The following SYTL5 variants were observed in gnomAD, a reference collection of about 807,000 sequenced individuals.
The protein encoded by SYTL5 is synaptotagmin-like protein 5.
A neutral mutation model predicts 55.9 loss-of-function variants in SYTL5; 34 were observed. The observed-to-expected ratio is 0.61, with a 90% CI of 0.46 to 0.81. The LOEUF is 0.81. SYTL5 is among the 30% of genes least tolerant of loss of function. The pLI is 0.00. For missense variants in SYTL5, 637 were observed against 546.7 expected (o/e 1.17, Z -1.65); for synonymous variants, 221 against 188.7 (o/e 1.17, Z -1.40).
intron 1 of SYTL5, among the ~76,000 whole-genome samples, chrX:38,013,840 C>T (rs1443533406): frequency 9.1e-6 from 1 of 110,069 alleles, no homozygotes; most frequent in Non-Finnish European, 1.9e-5. Flanking sequence ...CTTTGGGCCC[C>T]TCATCATTAC....
chrX:37,934,784 C>G, the SYTL5 span, among the ~76,000 whole-genome samples: 2 of 109,705 alleles, frequency 1.8e-5, no homozygotes, highest in Non-Finnish European at 3.8e-5. Context: ...CAGGCACCCG[C>G]CACCACACCC....
At chrX:37,944,301 T>C in the SYTL5 span, among the ~76,000 whole-genome samples, 10 of 111,656 alleles carry the variant, frequency 9.0e-5, no homozygotes, top group East Asian at 2.8e-3. Context: ...TTTTTTTTTT[T>C]CTGGGAAAAG....
chrX:38,120,714 A>C (rs1019356441), intron 14 of SYTL5, among the ~76,000 whole-genome samples: 3 of 110,242 alleles, frequency 2.7e-5, no homozygotes, highest in African/African-American at 9.9e-5. Context: ...GTTTTGTTTT[A>C]TGTCCCAAAG....
chrX:38,122,531 A>T (rs1231288640), intron 15 of SYTL5, among the ~76,000 whole-genome samples: 3 of 112,495 alleles, frequency 2.7e-5, no homozygotes, highest in Admixed American at 1.9e-4. Context: ...TAATGTATTT[A>T]TATTGTTCTT....
the SYTL5 span, among the ~76,000 whole-genome samples, chrX:37,896,890 T>C: frequency 1.2e-4 from 14 of 112,432 alleles, no homozygotes; most frequent in Non-Finnish European, 2.4e-4. Context: ...TAACTGGTAC[T>C]GAATGTTATA....
the SYTL5 span, among the ~76,000 whole-genome samples, chrX:37,954,060 CA>C: frequency 9.1e-6 from 1 of 109,910 alleles, no homozygotes; most frequent in East Asian, 2.8e-4. Flanking sequence ...AGATTTAGGA[CA>C]AAAAAATGAA....
chrX:38,118,952 C>CATAT (rs36070047), intron 13 of SYTL5, among the ~76,000 whole-genome samples: 15,317 of 89,560 alleles, frequency 0.17, 1,323 homozygotes, highest in South Asian at 0.27. Context: ...TACGCATATA[C>CATAT]ATATATATAT....
At chrX:38,009,499 A>C (rs1934106884) in intron 1 of SYTL5, among the ~76,000 whole-genome samples, 1 of 111,957 alleles carries the variant, frequency 8.9e-6, no homozygotes, top group Admixed American at 9.5e-5. Flanking sequence ...TTTTGCTTCT[A>C]ACTTTTCCTT....
chrX:38,002,951 G>A (rs766053870), upstream of SYTL5, among the ~76,000 whole-genome samples: 1 of 111,792 alleles, frequency 8.9e-6, no homozygotes, highest in East Asian at 2.8e-4. Flanking sequence ...CCATGCCTAT[G>A]TCCTGAATGG....
chrX:38,102,188 G>C (rs766202384), intron 9 of SYTL5, among the ~76,000 whole-genome samples, 154 bp from the exon 10 acceptor site: 4 of 110,934 alleles, frequency 3.6e-5, no homozygotes, highest in Admixed American at 2.9e-4. Flanking sequence ...CAGATTGACC[G>C]GAGAGGAAAA....
At chrX:38,021,208 G>T (rs765536292) in intron 1 of SYTL5, among the ~76,000 whole-genome samples, 1 of 111,449 alleles carries the variant, frequency 9.0e-6, no homozygotes, top group Admixed American at 9.5e-5. Flanking sequence ...ATTATCTAAG[G>T]GATCAACTGT....
chrX:38,126,522 A>G (rs1937649352), intron 16 of SYTL5, 66 bp from the exon 17 acceptor site: 3 of 1,144,951 alleles, frequency 2.6e-6, no homozygotes, highest in Admixed American at 2.3e-5. Context: ...AGAAGTTGAT[A>G]GATACCTTGC....
At chrX:38,047,831 T>C (rs1411502334) in intron 2 of SYTL5, among the ~76,000 whole-genome samples, 1 of 111,402 alleles carries the variant, frequency 9.0e-6, no homozygotes, top group African/African-American at 3.3e-5. Context: ...ATCATCTCTC[T>C]CAAGTTCAAA....
chrX:38,085,484 C>A (rs182845715), intron 6 of SYTL5, among the ~76,000 whole-genome samples: 139 of 112,302 alleles, frequency 1.2e-3, no homozygotes, highest in African/African-American at 4.3e-3. Context: ...TTTTAGTTAT[C>A]TCTTTCCCAT....
At chrX:38,029,756 T>C (rs1934894949) in intron 1 of SYTL5, among the ~76,000 whole-genome samples, 1 of 87,588 alleles carries the variant, frequency 1.1e-5, no homozygotes, top group Non-Finnish European at 1.9e-5. Context: ...ATTACTTAAG[T>C]CGTGTACTAA....
At chrX:37,980,122 A>G in the SYTL5 span, among the ~76,000 whole-genome samples, 1 of 111,996 alleles carries the variant, frequency 8.9e-6, no homozygotes, top group South Asian at 3.7e-4. Context: ...AAAGAATTAA[A>G]CTTCCTTTGC....
At chrX:37,902,592 A>C in the SYTL5 span, among the ~76,000 whole-genome samples, 1 of 111,984 alleles carries the variant, frequency 8.9e-6, no homozygotes, top group East Asian at 2.8e-4. Context: ...TATACATATA[A>C]TTGACATGCT....
At chrX:37,976,841 C>T in the SYTL5 span, among the ~76,000 whole-genome samples, 1 of 106,057 alleles carries the variant, frequency 9.4e-6, no homozygotes, top group Non-Finnish European at 1.9e-5. Flanking sequence ...TGGTGCACAA[C>T]TGTAGTCCCA....
At chrX:37,963,285 G>A in the SYTL5 span, among the ~76,000 whole-genome samples, 1 of 90,533 alleles carries the variant, frequency 1.1e-5, no homozygotes, top group African/African-American at 4.2e-5. Context: ...TTTTGTTTTT[G>A]TGGGTTTTTT....
Sources: allele counts gnomAD v4.1 joint callset (sites outside exome capture counted in the v4.1 genomes callset), GRCh38; gene constraint gnomAD v4.1.1; transcripts MANE v1.5; gene names NCBI Gene and HGNC (gene_info 2026-07-23, HGNC 2026-07-21).